DDX10: variants seen among roughly 807,000 people sequenced by gnomAD.
DDX10 encodes probable ATP-dependent RNA helicase DDX10.
A neutral mutation model predicts 104.3 loss-of-function variants in DDX10; 74 were observed. That is an observed-to-expected ratio of 0.71 (90% CI 0.59 to 0.86). The LOEUF is 0.86. Among genes scored for constraint, DDX10 ranks in the 40% least tolerant of loss-of-function variants. DDX10 has a pLI of 0.00. For synonymous variants in DDX10, 351 were observed against 353.4 expected (o/e 0.99, Z 0.08); for missense variants, 952 against 1,040.0 (o/e 0.92, Z 1.16).
chr11:108,743,091 G>C (rs2094327230), intron 13 of DDX10, among the ~76,000 whole-genome samples: 3 of 152,074 alleles, frequency 2.0e-5, no homozygotes, highest in South Asian at 4.1e-4. Context: ...GAAAACTTCA[G>C]GTCAATATCC....
chr11:108,823,634 C>T (rs1349598389), intron 13 of DDX10, among the ~76,000 whole-genome samples: 1 of 152,148 alleles, frequency 6.6e-6, no homozygotes, highest in Non-Finnish European at 1.5e-5. Context: ...GAGATTCTCT[C>T]TCTATGCACA....
chr11:108,732,480 A>G (rs533014131), intron 13 of DDX10, among the ~76,000 whole-genome samples: 1 of 152,344 alleles, frequency 6.6e-6, no homozygotes, highest in South Asian at 2.1e-4. Flanking sequence ...CACTTGGAGT[A>G]TAAAATGAAT....
intron 13 of DDX10, among the ~76,000 whole-genome samples, chr11:108,754,371 T>G (rs1480431696): frequency 6.6e-6 from 1 of 152,072 alleles, no homozygotes; most frequent in Non-Finnish European, 1.5e-5. Flanking sequence ...TTAAGGTTTA[T>G]GTTGATAGTG....
In DDX10 at chr11:108,852,206, A is replaced by G; in HGVS notation, c.2301A>G (p.Ala767=). ...EARREANKRQ[A]KAKDEEEAFL... The stretch of plus-strand genomic sequence containing the variant: ...GAAGAGAAGCCAACAAGAGACAAGC[A>G]AAGGTAAGGGTTTATATACATTTAT... Residue 767 remains alanine, a synonymous_variant, in exon 16 of 18, where the codon GCA becomes GCG. Transcript: ENST00000322536. The G allele has an allele frequency of 6.2e-7, 1 of 1,610,424 alleles. No individual in the cohort carries two copies. Among genetic ancestry groups the G allele is most frequent in the South Asian group, 1.1e-5 (1 of 90,508 alleles).
At chr11:108,925,397 C>T (rs141332800) in intron 17 of DDX10, among the ~76,000 whole-genome samples, 28 of 152,272 alleles carry the variant, frequency 1.8e-4, no homozygotes, top group African/African-American at 6.5e-4. Flanking sequence ...TTTTCAGAAG[C>T]GCCAGGATCT....
At position 108,837,607 on chromosome 11, in the gene DDX10, C is replaced by CTTTTTTTTTTT. The variant is rs142381520; in HGVS notation, c.1966-814_1966-804dup. Among the ~76,000 whole-genome samples the CTTTTTTTTTTT allele has an allele frequency of 5.5e-4, 19 of 34,748 alleles. 4 individuals carry two copies. Among genetic ancestry groups the CTTTTTTTTTTT allele is most frequent in the African/African-American group, 8.8e-4 (7 of 7,928 alleles). 22.8% of individuals were successfully genotyped at this position (34,748 alleles called of 152,430 possible). A position where few individuals can be genotyped will look rare whatever the true frequency, so the allele number is the denominator to read the frequency against. On this transcript the variant is annotated intron_variant, in intron 13 of 17. Coordinates refer to ENST00000322536, the MANE Select transcript of DDX10 (RefSeq NM_004398.4). ...TTCTGCATCTCACCTTTGGATACAG[C>CTTTTTTTTTTT]TTTTTTTTTTTTTTTTTTTTTTTTT... is the stretch of plus-strand genomic sequence containing the variant.
intron 16 of DDX10, among the ~76,000 whole-genome samples, chr11:108,888,345 C>T (rs917468645): frequency 6.6e-6 from 1 of 152,092 alleles, no homozygotes; most frequent in African/African-American, 2.4e-5. Flanking sequence ...TATACTTGTT[C>T]AATATATATT....
intron 16 of DDX10, among the ~76,000 whole-genome samples, chr11:108,908,383 T>C (rs776697594): frequency 6.6e-6 from 1 of 152,236 alleles, no homozygotes; most frequent in Non-Finnish European, 1.5e-5. Flanking sequence ...ATAATAAATT[T>C]TGGAATTTTT....
At chr11:108,889,028 T>G (rs4754359) in intron 16 of DDX10, among the ~76,000 whole-genome samples, 78,080 of 151,976 alleles carry the variant, frequency 0.51, 21,478 homozygotes, top group Non-Finnish European at 0.62. Flanking sequence ...TCAAATAGGT[T>G]TGTTTGAGAA....
chr11:108,804,498 CAAAA>C (rs3063225), intron 13 of DDX10, among the ~76,000 whole-genome samples: 1 of 93,508 alleles, frequency 1.1e-5, no homozygotes, highest in Non-Finnish European at 2.0e-5. Context: ...GACCCTGTCT[CAAAA>C]AAAAAAAAAA....
chr11:108,907,670 TAGGA>T, intron 16 of DDX10, among the ~76,000 whole-genome samples: 1 of 152,264 alleles, frequency 6.6e-6, no homozygotes, highest in African/African-American at 2.4e-5. Context: ...TGCTGGGTGT[TAGGA>T]AGGGCAGAGA....
chr11:108,729,607 T>C (rs1327202259), intron 13 of DDX10, among the ~76,000 whole-genome samples: 1 of 151,138 alleles, frequency 6.6e-6, no homozygotes, highest in Non-Finnish European at 1.5e-5. Flanking sequence ...CCATTAAACA[T>C]ATGATGCCTG....
At chr11:108,940,130 G>T in intron 17 of DDX10, 116 bp from the exon 18 acceptor site, 1 of 1,125,686 alleles carries the variant, frequency 8.9e-7, no homozygotes. Flanking sequence ...ATGTTGCCAT[G>T]GTTTCCTTCA....
chr11:108,680,149 C>A (rs887623302), intron 6 of DDX10, among the ~76,000 whole-genome samples: 17 of 152,112 alleles, frequency 1.1e-4, no homozygotes, highest in Non-Finnish European at 2.9e-5. Flanking sequence ...AAAACTAGAG[C>A]TTAAAGTATA....
intron 13 of DDX10, among the ~76,000 whole-genome samples, chr11:108,776,221 G>A (rs1353492008): frequency 3.3e-5 from 5 of 152,148 alleles, no homozygotes; most frequent in South Asian, 4.2e-4. Context: ...TCCTTTCAGC[G>A]AGGGTCAGCT....
chr11:108,777,730 GTTA>G (rs2094371994), intron 13 of DDX10, among the ~76,000 whole-genome samples: 1 of 152,172 alleles, frequency 6.6e-6, no homozygotes, highest in Non-Finnish European at 1.5e-5. Flanking sequence ...AGGGTATTCA[GTTA>G]GGAAAGGAGG....
intron 13 of DDX10, among the ~76,000 whole-genome samples, chr11:108,740,799 A>G (rs1410711895): frequency 6.6e-6 from 1 of 152,130 alleles, no homozygotes; most frequent in Non-Finnish European, 1.5e-5. Context: ...GTGTCTGGTC[A>G]TGTCCTTTGC....
chr11:108,713,102 A>G (rs2094286698), intron 10 of DDX10, among the ~76,000 whole-genome samples: 1 of 151,770 alleles, frequency 6.6e-6, no homozygotes, highest in South Asian at 2.1e-4. Context: ...AAAATATTTA[A>G]TTTTCTGTAG....
intron 15 of DDX10, among the ~76,000 whole-genome samples, chr11:108,843,487 C>T (rs181062234): frequency 1.9e-4 from 28 of 150,046 alleles, no homozygotes; most frequent in Admixed American, 9.3e-4. Context: ...TGGCTGGGCG[C>T]GGTGGCTCAC....
Sources: allele counts gnomAD v4.1 joint callset (sites outside exome capture counted in the v4.1 genomes callset), GRCh38; gene constraint gnomAD v4.1.1; transcripts MANE v1.5; gene names NCBI Gene and HGNC (gene_info 2026-07-23, HGNC 2026-07-21).